Variants in TRAPPC10 observed in about 807,000 individuals in gnomAD.
The protein encoded by TRAPPC10 is TRAPP 130 kDa subunit.
TRAPPC10 carries 23 observed loss-of-function variants against 125.5 expected under a neutral mutation model. The observed-to-expected ratio is 0.18, with a 90% CI of 0.13 to 0.26. The LOEUF is 0.26. Ranked by LOEUF, TRAPPC10 falls within the 10% of genes least tolerant of loss-of-function variation. The pLI is 1.00. For synonymous variants in TRAPPC10, 509 were observed against 518.0 expected, an observed-to-expected ratio of 0.98 and a Z score of 0.24; for missense variants, 1,123 against 1,308.4, an observed-to-expected ratio of 0.86 and a Z score of 2.19.
chr21:44,081,332 T>C (rs1003172663), intron 13 of TRAPPC10, among the ~76,000 whole-genome samples: 1 of 151,934 alleles, frequency 6.6e-6, no homozygotes, highest in Admixed American at 6.6e-5. Flanking sequence ...GGCTAATTTT[T>C]GTATTTTTAG....
At chr21:44,084,403 C>T in intron 15 of TRAPPC10, 140 bp downstream of exon 15, 1 of 769,082 alleles carries the variant, frequency 1.3e-6, no homozygotes, top group Non-Finnish European at 1.9e-6. Context: ...GAAATTTTGC[C>T]TGGGAACTAG....
chr21:44,058,408 G>T (rs2035771348), intron 5 of TRAPPC10, among the ~76,000 whole-genome samples: 1 of 152,190 alleles, frequency 6.6e-6, no homozygotes, highest in Non-Finnish European at 1.5e-5. Context: ...GAAGGGGTGG[G>T]GGTGGGGGAC....
At chr21:44,069,005 A>C (rs776829442) in intron 7 of TRAPPC10, among the ~76,000 whole-genome samples, 2 of 152,194 alleles carry the variant, frequency 1.3e-5, no homozygotes, top group Non-Finnish European at 2.9e-5. Flanking sequence ...CACCCCATAA[A>C]CAAAATTAAT....
intron 3 of TRAPPC10, among the ~76,000 whole-genome samples, chr21:44,049,580 C>T (rs545610851): frequency 6.6e-6 from 1 of 152,292 alleles, no homozygotes; most frequent in African/African-American, 2.4e-5. Flanking sequence ...CCCCTTATAC[C>T]ACTTACACCC....
intron 1 of TRAPPC10, among the ~76,000 whole-genome samples, chr21:44,020,653 AAAAC>A (rs1475101930): frequency 1.3e-5 from 2 of 152,188 alleles, no homozygotes; most frequent in Non-Finnish European, 2.9e-5. Flanking sequence ...AAAACAAAAA[AAAAC>A]AATTTCAGGG....
intron 2 of TRAPPC10, among the ~76,000 whole-genome samples, chr21:44,032,854 C>T (rs752591469): frequency 6.6e-6 from 1 of 152,188 alleles, no homozygotes; most frequent in Non-Finnish European, 1.5e-5. Flanking sequence ...CACCTTAAAG[C>T]GGAAGAACTG....
intron 5 of TRAPPC10, 24 bp downstream of exon 5, chr21:44,055,917 G>A (rs1198974508): frequency 1.3e-6 from 2 of 1,529,048 alleles, no homozygotes; most frequent in South Asian, 1.2e-5. Flanking sequence ...TACAGAACTA[G>A]ACAGTTCCTT....
intron 6 of TRAPPC10, among the ~76,000 whole-genome samples, chr21:44,061,954 A>G (rs954229357): frequency 1.3e-5 from 2 of 152,208 alleles, no homozygotes; most frequent in Admixed American, 1.3e-4. Context: ...TGTGCTTGTG[A>G]TGCCATATAC....
Position 44,075,102 on chromosome 21 carries a change from A to T in TRAPPC10, c.1249A>T (p.Asn417Tyr). 6.2e-7 allele frequency: 1 copy of T among 1,614,056 alleles called. No homozygotes were observed. Among genetic ancestry groups the T allele is most frequent in the Non-Finnish European group, 8.5e-7 (1 of 1,179,872 alleles). ...GAAAGGACCTAACTCAGAAGATCTC[A>T]ACAGGACAGTTGACCTTTTGGCAGG... ...SEKGPNSEDL[N>Y]RTVDLLAGLG... Residue 417 changes from asparagine to tyrosine, a missense_variant, in exon 9 of 23, where the codon AAC becomes TAC. Around this residue, in one of 4 missense-constraint regions of TRAPPC10, gnomAD observed 840 missense variants for 902.0 expected, o/e 0.93. Coordinates refer to ENST00000291574, the MANE Select transcript of TRAPPC10 (RefSeq NM_003274.5).
Position 44,012,453 on chromosome 21 carries a change from C to T in TRAPPC10, c.-41C>T, listed in dbSNP as rs2031206700. On this transcript the variant is annotated 5_prime_UTR_variant, in exon 1 of 23. Transcript: ENST00000291574. The stretch of plus-strand genomic sequence containing the variant: ...GGGCCCGGCGCGGCCTCGGGGCTGC[C>T]CATGGGGCGCGGGGGGCCGGGCCGG... 7.2e-7 allele frequency: 1 copy of T among 1,381,728 alleles called. No individual in the cohort carries two copies. The highest frequency in any genetic ancestry group is 3.6e-5 in the East Asian group (1 of 27,796). The allele number at this position is 1,381,728 out of a possible 1,614,324, so 85.6% of individuals were successfully genotyped here. A position where few individuals can be genotyped will look rare whatever the true frequency, so the allele number is the denominator to read the frequency against.
intron 1 of TRAPPC10, among the ~76,000 whole-genome samples, chr21:44,018,987 C>G (rs530662679): frequency 1.3e-5 from 2 of 152,306 alleles, no homozygotes; most frequent in East Asian, 1.9e-4. Context: ...CTGACCCTCC[C>G]ACCCCCGTGC....
intron 1 of TRAPPC10, among the ~76,000 whole-genome samples, chr21:44,021,500 A>C (rs2032497441): frequency 6.6e-6 from 1 of 152,218 alleles, no homozygotes; most frequent in Non-Finnish European, 1.5e-5. Context: ...TATTATAAAG[A>C]GACCCTACAA....
intron 3 of TRAPPC10, among the ~76,000 whole-genome samples, chr21:44,040,272 T>C (rs769955087): frequency 6.6e-6 from 1 of 152,362 alleles, no homozygotes; most frequent in East Asian, 1.9e-4. Context: ...GAGCAAGGGC[T>C]GCCTTTCCTT....
At position 44,082,003 on chromosome 21, in the gene TRAPPC10, G is replaced by T. The variant is rs924352207; in HGVS notation, c.1724-785G>T. 1.3e-5 allele frequency among the ~76,000 whole-genome samples: 2 copies of T among 152,210 alleles called. No individual in the cohort carries two copies. The highest frequency in any genetic ancestry group is 4.8e-5 in the African/African-American group (2 of 41,456). On this transcript the variant is annotated intron_variant, in intron 13 of 22. Coordinates refer to ENST00000291574, the MANE Select transcript of TRAPPC10 (RefSeq NM_003274.5). This position sits in a 1 kb window ranked among gnomAD's most constrained non-coding sequence, Gnocchi z 4.4. ...TAGAGCCGTGACCACATCTGCTGCT[G>T]CTTTGTATTTGAGACTATTTGAGTT...
intron 5 of TRAPPC10, among the ~76,000 whole-genome samples, chr21:44,057,869 G>T (rs1305714214): frequency 1.3e-5 from 2 of 152,194 alleles, no homozygotes; most frequent in African/African-American, 4.8e-5. Flanking sequence ...TACATGGGGT[G>T]GAACTGGATT....
chr21:44,057,740 G>A (rs1275213278), intron 5 of TRAPPC10, among the ~76,000 whole-genome samples: 1 of 152,156 alleles, frequency 6.6e-6, no homozygotes, highest in Non-Finnish European at 1.5e-5. Flanking sequence ...AGTTTCTCTT[G>A]CAAAACACAG....
Position 44,037,790 on chromosome 21 carries a change from A to G in TRAPPC10, c.150-2A>G. 6.2e-7 allele frequency: 1 copy of G among 1,611,816 alleles called. No homozygotes were observed. Among genetic ancestry groups the G allele is most frequent in the Non-Finnish European group, 8.5e-7 (1 of 1,179,056 alleles). On this transcript the variant is annotated splice_acceptor_variant, in intron 2 of 22. Transcript: ENST00000291574. LOFTEE classifies it high-confidence loss of function. ...TCAGTGACTTCAAACAATTGTTTAC[A>G]GGTCCTATGGCCGGGCTCCGAAGAT...
intron 15 of TRAPPC10, among the ~76,000 whole-genome samples, chr21:44,086,185 C>T (rs140872308): frequency 6.6e-6 from 1 of 152,338 alleles, no homozygotes; most frequent in African/African-American, 2.4e-5. Flanking sequence ...TGGCCTGGCT[C>T]CTGCTTCCTG....
At chr21:44,090,483 C>G (rs2038498680) in intron 18 of TRAPPC10, among the ~76,000 whole-genome samples, 1 of 152,242 alleles carries the variant, frequency 6.6e-6, no homozygotes, top group Non-Finnish European at 1.5e-5. Flanking sequence ...CACTCCCCAC[C>G]TGCAGGTGTG....
Sources: allele counts gnomAD v4.1 joint callset (sites outside exome capture counted in the v4.1 genomes callset), GRCh38; gene constraint gnomAD v4.1.1; regional missense constraint gnomAD v4.1.1; non-coding constraint Gnocchi (gnomAD v3.1); transcripts MANE v1.5; gene names NCBI Gene and HGNC (gene_info 2026-07-23, HGNC 2026-07-21).